Variants in INTS3 observed in about 807,000 individuals in gnomAD.
The protein encoded by INTS3 is integrator complex subunit 3.
A neutral mutation model predicts 146.3 loss-of-function variants in INTS3; 34 were observed. The ratio of observed to expected loss-of-function variants is 0.23; its 90% CI spans 0.18 to 0.31. The LOEUF is 0.31. INTS3 is among the 10% of genes least tolerant of loss of function. The pLI, the probability that INTS3 is intolerant of heterozygous loss-of-function variation, is 1.00. For synonymous variants in INTS3, 475 were observed against 494.9 expected (o/e 0.96, Z 0.53); for missense variants, 757 against 1,304.2 (o/e 0.58, Z 6.46).
At chr1:153,756,510 T>TG (rs1021161711) in intron 9 of INTS3, among the ~76,000 whole-genome samples, 16 of 149,380 alleles carry the variant, frequency 1.1e-4, no homozygotes, top group Admixed American at 9.3e-4. Flanking sequence ...AATGAGACCC[T>TG]GTCTCTTAAA....
Position 153,761,574 on chromosome 1 carries a change from C to T in INTS3, c.1414C>T (p.Leu472=), listed in dbSNP as rs762393532. 2 of 1,611,348 alleles carry T rather than the reference C, an allele frequency of 1.2e-6. No individual in the cohort carries two copies. The highest frequency in any genetic ancestry group is 1.7e-6 in the Non-Finnish European group (2 of 1,177,578). ...TTCATCATGTTCCCCATTTAGACAC[C>T]TAGCTCCCCTGTTTGACAACCCTAA... ...HIVEKRVLAH[L]APLFDNPKLD... is the part of the protein sequence containing the mutation. Residue 472 remains leucine (L), a synonymous_variant, in exon 14 of 30, where the codon CTA becomes TTA. Transcript: ENST00000318967.
chr1:153,741,304 A>C lies in INTS3; in HGVS notation c.254A>C (p.Gln85Pro), dbSNP rs1424959588. ...TTCCAGGTGTGCAAAGGCCTCCCCC[A>C]GCATGAAGAAATCTGCCTGGGCCTG... ...LNAYVCKGLP[Q>P]HEEICLGLFT... The change falls in exon 3 of 30, where the codon CAG becomes CCG. Residue 85 changes from glutamine to proline, a missense_variant. Coordinates refer to ENST00000318967, the MANE Select transcript of INTS3 (RefSeq NM_023015.5). 2 of 1,614,052 alleles carry C rather than the reference A, an allele frequency of 1.2e-6. No homozygotes were observed. Among genetic ancestry groups the C allele is most frequent in the Admixed American group, 3.3e-5 (2 of 60,006 alleles).
intron 23 of INTS3, 124 bp downstream of exon 23, chr1:153,769,968 C>A: frequency 1.3e-6 from 1 of 759,336 alleles, no homozygotes. Flanking sequence ...GAATTGTACT[C>A]CACCCTGGTG....
At chr1:153,765,172 T>G in intron 20 of INTS3, 109 bp downstream of exon 20, 2 of 1,198,784 alleles carry the variant, frequency 1.7e-6, no homozygotes, top group Non-Finnish European at 2.4e-6. Flanking sequence ...GCCTTCTTTG[T>G]GGGTCTGTTT....
At position 153,763,277 on chromosome 1, in the gene INTS3, G is replaced by T. The variant is rs1371373923; in HGVS notation, c.1681G>T (p.Val561Leu). ...FRFHPIKETV[V>L]EEPVDITPYL... ...CTTCCACCCTATCAAGGAGACAGTT[G>T]TGGAGGAGCCAGTTGATATCACCCC... Residue 561 changes from valine to leucine, a missense_variant, in exon 16 of 30, where the codon GTG becomes TTG. Physicochemically the swap from Val to Leu is conservative, Grantham distance 32. This residue lies in a region of INTS3 where 89 missense variants were observed against 210.9 expected (regional missense o/e 0.42). Transcript: ENST00000318967. 3.1e-6 allele frequency: 5 copies of T among 1,614,084 alleles called. No individual in the cohort carries two copies. The highest frequency in any genetic ancestry group is 4.2e-6 in the Non-Finnish European group (5 of 1,180,034).
At chr1:153,758,669 T>C (rs984871569) in intron 10 of INTS3, among the ~76,000 whole-genome samples, 6 of 143,122 alleles carry the variant, frequency 4.2e-5, no homozygotes, top group Non-Finnish European at 9.1e-5. Flanking sequence ...ATTAGCCAAG[T>C]GTGTTGGTGT....
chr1:153,728,506 A>C lies in INTS3; in HGVS notation c.-129A>C. The C allele has an allele frequency of 8.9e-7, 1 of 1,119,032 alleles. No homozygotes were observed. 69.3% of individuals were successfully genotyped at this position (1,119,032 alleles called of 1,614,324 possible). A position where few individuals can be genotyped will look rare whatever the true frequency, so the allele number is the denominator to read the frequency against. On this transcript the variant is annotated 5_prime_UTR_variant, in exon 1 of 30. Coordinates refer to ENST00000318967, the MANE Select transcript of INTS3 (RefSeq NM_023015.5). ...GAGAGGAGGGAGGAGTGGAGAGGACAGGGGCCCTTGCTCTCCCCTCCCCAA... is the reference window on the plus strand; with the variant it reads ...GAGAGGAGGGAGGAGTGGAGAGGACCGGGGCCCTTGCTCTCCCCTCCCCAA...
At position 153,751,000 on chromosome 1, in the gene INTS3, T is replaced by C. The variant is rs1482255154; in HGVS notation, c.585-95T>C. 4.7e-6 allele frequency: 6 copies of C among 1,281,482 alleles called. No individual in the cohort carries two copies. In the Admixed American group the frequency reaches 6.7e-5, roughly 14 times the overall value. 79.4% of individuals were successfully genotyped at this position (1,281,482 alleles called of 1,614,324 possible). ...ACTCCCAGTGTCAAATCATCAATTATTTCTGAGGCACTGTAGCCAAGCCCA... is the reference window on the plus strand; with the variant it reads ...ACTCCCAGTGTCAAATCATCAATTACTTCTGAGGCACTGTAGCCAAGCCCA... On this transcript the variant is annotated intron_variant, in intron 6 of 29. Transcript: ENST00000318967.
intron 10 of INTS3, among the ~76,000 whole-genome samples, chr1:153,758,243 C>A (rs1407460637): frequency 6.6e-6 from 1 of 152,210 alleles, no homozygotes; most frequent in Admixed American, 6.5e-5. Flanking sequence ...ACTATCCATT[C>A]TCTGGCATCT....
chr1:153,770,566 G>C, intron 24 of INTS3, 119 bp from the exon 25 acceptor site: 1 of 853,712 alleles, frequency 1.2e-6, no homozygotes, highest in Non-Finnish European at 1.9e-6. Flanking sequence ...ATTCTTCCTG[G>C]CTCCTCATCA....
intron 4 of INTS3, 27 bp downstream of exon 4, chr1:153,747,097 C>G (rs927097934): frequency 1.3e-6 from 2 of 1,528,360 alleles, no homozygotes; most frequent in East Asian, 4.5e-5. Flanking sequence ...AAGACAAGAT[C>G]CAGCTCAAAG....
At chr1:153,740,620 A>C in intron 1 of INTS3, 31 bp from the exon 2 acceptor site, 1 of 1,544,890 alleles carries the variant, frequency 6.5e-7, no homozygotes, top group South Asian at 1.1e-5. Context: ...GTGTTATGAC[A>C]CACTGTTCAT....
At position 153,747,053 on chromosome 1, in the gene INTS3, G is replaced by T; in HGVS notation, c.415G>T (p.Asp139Tyr). 6.2e-7 allele frequency: 1 copy of T among 1,610,404 alleles called. No homozygotes were observed. Among genetic ancestry groups the T allele is most frequent in the Non-Finnish European group, 8.5e-7 (1 of 1,176,672 alleles). ...TATGGAGAAGTACCTGAAGCTGCAG[G>T]ATACCTGCCGTACTCAGGTAAGGCC... ...ILMEKYLKLQ[D>Y]TCRTQLVWLV... Residue 139 changes from aspartate to tyrosine, a missense_variant, in exon 4 of 30, where the codon GAT becomes TAT. Transcript: ENST00000318967.
chr1:153,772,055 G>C lies in INTS3; in HGVS notation c.2720+92G>C. The C allele has an allele frequency of 7.6e-7, 1 of 1,324,348 alleles. No homozygotes were observed. The highest frequency in any genetic ancestry group is 2.5e-5 in the East Asian group (1 of 39,858). 82.0% of individuals were successfully genotyped at this position (1,324,348 alleles called of 1,614,324 possible). A position where few individuals can be genotyped will look rare whatever the true frequency, so the allele number is the denominator to read the frequency against. On this transcript the variant is annotated intron_variant, in intron 26 of 29. Coordinates refer to ENST00000318967, the MANE Select transcript of INTS3 (RefSeq NM_023015.5). This position sits in a 1 kb window ranked among gnomAD's most constrained non-coding sequence, Gnocchi z 4.6. ...GGTGGTGGTGGTGGTGGTGGTGATG[G>C]GGGTCAGTGCTGTCCCAGCCTGGTT...
chr1:153,772,021 G>A lies in INTS3; in HGVS notation c.2720+58G>A, dbSNP rs997916621. ...ATGGCGGTCTGCAGTGATTGCTGTC[G>A]GTGGTGGTGGTGGTGGTGGTGGTGG... On this transcript the variant is annotated intron_variant, in intron 26 of 29. Coordinates refer to ENST00000318967, the MANE Select transcript of INTS3 (RefSeq NM_023015.5). The surrounding 1 kb of genome is among the most constrained non-coding windows in gnomAD (Gnocchi z 4.6). 10 of 979,914 alleles carry A rather than the reference G, an allele frequency of 1.0e-5. No individual in the cohort carries two copies. The highest frequency in any genetic ancestry group is 2.8e-5 in the Admixed American group (1 of 35,908). The allele number at this position is 979,914 out of a possible 1,614,324, so 60.7% of individuals were successfully genotyped here.
intron 3 of INTS3, among the ~76,000 whole-genome samples, chr1:153,745,007 C>A (rs1671672167): frequency 6.6e-6 from 1 of 151,972 alleles, no homozygotes; most frequent in South Asian, 2.1e-4. Context: ...TGCCTATTTC[C>A]TCATCTGTAA....
At position 153,757,495 on chromosome 1, in the gene INTS3, A is replaced by C; in HGVS notation, c.958-77A>C. 1 of 1,273,476 alleles carries C rather than the reference A, an allele frequency of 7.9e-7. No homozygotes were observed. Among genetic ancestry groups the C allele is most frequent in the South Asian group, 1.3e-5 (1 of 76,910 alleles). 78.9% of individuals were successfully genotyped at this position (1,273,476 alleles called of 1,614,324 possible). ...AGAGGTCTAGGGCAAACCTAGAGTT[A>C]AGTGGTGCTCGTTTTCCTCTGGCCA... is the stretch of plus-strand genomic sequence containing the variant. On this transcript the variant is annotated intron_variant, in intron 9 of 29. Transcript: ENST00000318967. The surrounding 1 kb of genome is among the most constrained non-coding windows in gnomAD (Gnocchi z 4.0).
intron 1 of INTS3, among the ~76,000 whole-genome samples, chr1:153,739,529 T>C (rs1295221533): frequency 6.6e-6 from 1 of 151,460 alleles, no homozygotes; most frequent in Non-Finnish European, 1.5e-5. Flanking sequence ...AGACGGGGTT[T>C]CTCCATGTTC....
At position 153,773,029 on chromosome 1, in the gene INTS3, A is replaced by G; in HGVS notation, c.2999A>G (p.Asn1000Ser). Reference protein sequence around the residue: ...AALSSPRSRKNATQPPNAEEE... With the variant: ...AALSSPRSRKSATQPPNAEEE... ...CTGTCCAGCCCTCGAAGTCGAAAGA[A>G]TGCCACACAGCCCCCCAATGCCGAA... Residue 1000 changes from asparagine (N) to serine (S), a missense_variant, in exon 29 of 30, where the codon AAT (asparagine) becomes AGT (serine). Physicochemically the swap from Asn to Ser is conservative, Grantham distance 46 (BLOSUM62 1). This residue lies in a region of INTS3 where 125 missense variants were observed against 165.6 expected (regional missense o/e 0.75). Coordinates refer to ENST00000318967, the MANE Select transcript of INTS3 (RefSeq NM_023015.5). The G allele has an allele frequency of 6.2e-7, 1 of 1,614,204 alleles. No individual in the cohort carries two copies. Among genetic ancestry groups the G allele is most frequent in the Non-Finnish European group, 8.5e-7 (1 of 1,180,038 alleles).
Sources: allele counts gnomAD v4.1 joint callset (sites outside exome capture counted in the v4.1 genomes callset), GRCh38; gene constraint gnomAD v4.1.1; regional missense constraint gnomAD v4.1.1; non-coding constraint Gnocchi (gnomAD v3.1); transcripts MANE v1.5; gene names NCBI Gene and HGNC (gene_info 2026-07-23, HGNC 2026-07-21).